CATSPERB: variants seen among roughly 807,000 people sequenced by gnomAD.
The protein encoded by CATSPERB is catsper channel auxiliary subunit beta, also known as cation channel sperm-associated auxiliary subunit beta.
Under a neutral mutation model 128.3 loss-of-function variants are expected in CATSPERB, and 93 were observed. The observed-to-expected ratio is 0.72, with a 90% CI of 0.61 to 0.86. The LOEUF is 0.86. Among genes scored for constraint, CATSPERB ranks in the 40% least tolerant of loss-of-function variants. CATSPERB has a pLI of 0.00. For synonymous variants in CATSPERB, 381 were observed against 448.8 expected (o/e 0.85, Z 1.91); for missense variants, 1,153 against 1,329.5 (o/e 0.87, Z 2.06).
chr14:91,714,277 C>CAAAAAAAAAAAAA (rs35951126), intron 5 of CATSPERB, among the ~76,000 whole-genome samples: 30 of 111,238 alleles, frequency 2.7e-4, no homozygotes, highest in African/African-American at 4.3e-4. Flanking sequence ...TACAATAAGG[C>CAAAAAAAAAAAAA]AAAAAAAAAA....
rs1478756767 is a variant in CATSPERB at position 91,581,033 on chromosome 14, C to T, written c.3207G>A (p.Gly1069=). The T allele has an allele frequency of 6.2e-7, 1 of 1,614,170 alleles. No individual in the cohort carries two copies. The highest frequency in any genetic ancestry group is 8.5e-7 in the Non-Finnish European group (1 of 1,180,008). ...LIAVATAVVL[G]GLIFIAFMFQ... is the part of the protein sequence containing the mutation. Reference sequence around the variant, plus strand: ...ACATAAATGCTATAAAAATTAATCCCCCTAGCACTACCGCTGTTGCCACGG... The same window carrying T: ...ACATAAATGCTATAAAAATTAATCCTCCTAGCACTACCGCTGTTGCCACGG... Residue 1069 remains glycine, a synonymous_variant, in exon 27 of 27, where the codon GGG becomes GGA. Coordinates refer to ENST00000256343, the MANE Select transcript of CATSPERB (RefSeq NM_024764.4).
intron 21 of CATSPERB, 119 bp downstream of exon 21, chr14:91,610,361 A>T: frequency 1.4e-6 from 1 of 698,000 alleles, no homozygotes; most frequent in Non-Finnish European, 2.4e-6. Context: ...ATTAAAAAAT[A>T]ACTGTGAAGT....
chr14:91,673,881 C>CAA (rs139506642), intron 12 of CATSPERB, among the ~76,000 whole-genome samples: 1 of 136,516 alleles, frequency 7.3e-6, no homozygotes, highest in Non-Finnish European at 1.6e-5. Flanking sequence ...GACTCTGTCT[C>CAA]AAAAAAAAAA....
rs1360506869 is a variant in CATSPERB at position 91,589,591 on chromosome 14, G to A, written c.2899C>T (p.Gln967Ter). The A allele has an allele frequency of 2.5e-6, 4 of 1,613,734 alleles. No individual in the cohort carries two copies. The Admixed American group carries it at 5.0e-5, about 20-fold the overall frequency. The change falls in exon 24 of 27, where the codon CAA becomes TAA. Residue 967 changes from glutamine to a stop codon, truncating the protein, a stop_gained. Transcript: ENST00000256343. LOFTEE classifies it high-confidence loss of function. ...GTCACAGTAACCAGATATGGAGATT[G>A]CAATGGGACACGTCCATCCTCGTTG... ...IINEDGRVPL[Q>*]SPYLVTVTEV...
chr14:91,592,076 T>C (rs778338084), intron 22 of CATSPERB, 74 bp from the exon 23 acceptor site: 1 of 888,636 alleles, frequency 1.1e-6, no homozygotes, highest in Non-Finnish European at 1.9e-6. Flanking sequence ...AAATATCTAA[T>C]AAATATTTAT....
At chr14:91,618,140 T>C (rs1309781798) in intron 19 of CATSPERB, among the ~76,000 whole-genome samples, 1 of 152,190 alleles carries the variant, frequency 6.6e-6, no homozygotes. Flanking sequence ...CTATATAGGG[T>C]AACTTCCTGA....
At chr14:91,721,227 G>A (rs1896024039) in intron 4 of CATSPERB, among the ~76,000 whole-genome samples, 1 of 152,158 alleles carries the variant, frequency 6.6e-6, no homozygotes, top group Admixed American at 6.5e-5. Flanking sequence ...AATAGATACA[G>A]CCGACTTCAT....
chr14:91,583,405 C>T (rs1893242607), intron 26 of CATSPERB, among the ~76,000 whole-genome samples: 4 of 151,908 alleles, frequency 2.6e-5, no homozygotes, highest in South Asian at 2.1e-4. Flanking sequence ...GGCAACAGAG[C>T]GTGACTCCAT....
At chr14:91,633,324 T>G (rs977392153) in intron 17 of CATSPERB, among the ~76,000 whole-genome samples, 1 of 152,104 alleles carries the variant, frequency 6.6e-6, no homozygotes, top group Non-Finnish European at 1.5e-5. Context: ...CCATAATGAA[T>G]GGCCTAGTCC....
intron 4 of CATSPERB, among the ~76,000 whole-genome samples, chr14:91,722,502 G>A (rs1361114232): frequency 6.6e-6 from 1 of 152,078 alleles, no homozygotes; most frequent in Non-Finnish European, 1.5e-5. Context: ...GAGTGGAGGG[G>A]GGATTGGGAG....
At chr14:91,609,246 A>G (rs954496923) in intron 21 of CATSPERB, among the ~76,000 whole-genome samples, 1 of 151,676 alleles carries the variant, frequency 6.6e-6, no homozygotes, top group Admixed American at 6.6e-5. Context: ...TCTTGGGAGT[A>G]CTTCCAGCAC....
At chr14:91,588,561 T>C (rs1893344096) in intron 24 of CATSPERB, among the ~76,000 whole-genome samples, 1 of 152,192 alleles carries the variant, frequency 6.6e-6, no homozygotes, top group Non-Finnish European at 1.5e-5. Flanking sequence ...CTGCCTTTCT[T>C]GTCATCCTTT....
intron 17 of CATSPERB, among the ~76,000 whole-genome samples, chr14:91,630,814 A>G (rs748245079): frequency 5.3e-5 from 8 of 152,152 alleles, no homozygotes; most frequent in African/African-American, 9.7e-5. Context: ...ACATTCTCCA[A>G]TGGTTTCTGC....
chr14:91,702,841 C>A (rs1167882677), intron 7 of CATSPERB, among the ~76,000 whole-genome samples: 2 of 151,822 alleles, frequency 1.3e-5, no homozygotes, highest in South Asian at 2.1e-4. Flanking sequence ...AACATGAAAT[C>A]TCTTATTTAT....
Position 91,668,714 on chromosome 14 carries a change from C to T in CATSPERB, c.1287+1100G>A, listed in dbSNP as rs565270416. Among the ~76,000 whole-genome samples, 3 of 151,828 alleles carry T rather than the reference C, an allele frequency of 2.0e-5. No individual in the cohort carries two copies. The East Asian group carries it at 5.8e-4, about 29-fold the overall frequency. On this transcript the variant is annotated intron_variant, in intron 14 of 26. Transcript: ENST00000256343. ...GAAATCAGCAAGACCACAAACCCAC[C>T]GGGAGGAACAAACAACTCTGGACGT... is the stretch of plus-strand genomic sequence containing the variant.
chr14:91,609,686 T>C (rs982936064), intron 21 of CATSPERB, among the ~76,000 whole-genome samples: 10 of 152,338 alleles, frequency 6.6e-5, no homozygotes, highest in African/African-American at 9.6e-5. Flanking sequence ...TATGCATTCA[T>C]GACATATCCA....
intron 19 of CATSPERB, among the ~76,000 whole-genome samples, chr14:91,621,266 G>A (rs755481875): frequency 1.4e-4 from 22 of 152,132 alleles, no homozygotes; most frequent in Admixed American, 3.9e-4. Context: ...AGCCGGGAGT[G>A]GTGTACACTT....
chr14:91,723,044 A>G lies in CATSPERB; in HGVS notation c.309+5T>C. ...ATATCACAGAGTAAGATAAAATGTA[A>G]TTACCAACGTTAAATTAAAGTGGAA... is the stretch of plus-strand genomic sequence containing the variant. On this transcript the variant is annotated splice_donor_5th_base_variant and intron_variant, in intron 4 of 26. Transcript: ENST00000256343. The G allele has an allele frequency of 6.7e-7, 1 of 1,500,208 alleles. No individual in the cohort carries two copies. Among genetic ancestry groups the G allele is most frequent in the East Asian group, 2.4e-5 (1 of 40,834 alleles). 92.9% of individuals were successfully genotyped at this position (1,500,208 alleles called of 1,614,324 possible).
chr14:91,729,811 C>G (rs1311853914), intron 1 of CATSPERB, among the ~76,000 whole-genome samples: 1 of 152,158 alleles, frequency 6.6e-6, no homozygotes, highest in Non-Finnish European at 1.5e-5. Flanking sequence ...GAGGATGATA[C>G]AGCTGTAACT....
Sources: gnomAD v4.1 joint callset for allele counts (sites outside exome capture counted in the v4.1 genomes callset) on GRCh38, gnomAD v4.1.1 for gene constraint, MANE v1.5 for transcripts, NCBI Gene and HGNC (gene_info 2026-07-23, HGNC 2026-07-21) for gene names.